JARID2: variants seen among roughly 807,000 people sequenced by gnomAD.
The protein encoded by JARID2 is jumonji and AT-rich interaction domain containing 2.
Under a neutral mutation model 125.6 loss-of-function variants are expected in JARID2, and 21 were observed. That is an observed-to-expected ratio of 0.17 (90% CI 0.12 to 0.24). JARID2 has a LOEUF of 0.24. JARID2 is among the 10% of genes least tolerant of loss of function. The pLI is 1.00. For synonymous variants in JARID2, 736 were observed against 661.6 expected, an observed-to-expected ratio of 1.11 and a Z score of -1.73; for missense variants, 1,303 against 1,639.6, an observed-to-expected ratio of 0.79 and a Z score of 3.55.
chr6:15,329,395 C>G (rs1475785461), intron 1 of JARID2, among the ~76,000 whole-genome samples: 4 of 152,096 alleles, frequency 2.6e-5, no homozygotes, highest in Non-Finnish European at 5.9e-5. Flanking sequence ...AGTTGACATC[C>G]TGCTGGGATC....
At chr6:15,454,405 C>CTTGT (rs1768059403) in intron 4 of JARID2, among the ~76,000 whole-genome samples, 1 of 152,100 alleles carries the variant, frequency 6.6e-6, no homozygotes, top group African/African-American at 2.4e-5. Context: ...GGTTGTTGAG[C>CTTGT]CTTGAAAACA....
intron 1 of JARID2, among the ~76,000 whole-genome samples, chr6:15,354,602 A>G (rs534744370): frequency 2.0e-5 from 3 of 152,296 alleles, no homozygotes; most frequent in African/African-American, 7.2e-5. Context: ...TCAAGCACAG[A>G]TAAGGAAATG....
chr6:15,496,781 G>C lies in JARID2; in HGVS notation c.1556G>C (p.Ser519Thr), dbSNP rs760817551. The change falls in exon 7 of 18, where the codon AGC becomes ACC. Residue 519 changes from serine (S) to threonine (T), a missense_variant. Ser to Thr is a moderately conservative substitution (Grantham distance 58). Coordinates refer to ENST00000341776, the MANE Select transcript of JARID2 (RefSeq NM_004973.4). ...AGACAAGCACATGGCAAGGCGGACA[G>C]CGCCTCCTGTGAAAATCGTTCTACC... ...PGRQAHGKAD[S>T]ASCENRSTSQ... 6.2e-7 allele frequency: 1 copy of C among 1,612,324 alleles called. No homozygotes were observed. Among genetic ancestry groups the C allele is most frequent in the Non-Finnish European group, 8.5e-7 (1 of 1,179,300 alleles).
chr6:15,509,512 A>AGT (rs1771172955), intron 12 of JARID2: 1 of 257,136 alleles, frequency 3.9e-6, no homozygotes, highest in Non-Finnish European at 6.1e-6. Flanking sequence ...GGTGTCCTGC[A>AGT]GTGGGTCCAG....
chr6:15,320,852 C>CTATGTGTGTGTG (rs541608020), intron 1 of JARID2, among the ~76,000 whole-genome samples: 1 of 145,314 alleles, frequency 6.9e-6, no homozygotes, highest in Non-Finnish European at 1.5e-5. Context: ...CTCTCTCTCT[C>CTATGTGTGTGTG]TGTGTGTGTG....
intron 3 of JARID2, among the ~76,000 whole-genome samples, chr6:15,411,185 G>GA (rs3839643): frequency 1.7e-4 from 25 of 150,436 alleles, no homozygotes; most frequent in African/African-American, 4.6e-4. Flanking sequence ...TGAAGGAAAA[G>GA]AAAAAAAAAA....
intron 2 of JARID2, among the ~76,000 whole-genome samples, chr6:15,382,168 C>T (rs1413569984): frequency 6.6e-6 from 1 of 152,194 alleles, no homozygotes; most frequent in Non-Finnish European, 1.5e-5. Flanking sequence ...GAGGTTGAAG[C>T]AGGAGAATTG....
intron 5 of JARID2, among the ~76,000 whole-genome samples, chr6:15,478,050 G>C (rs1005829980): frequency 2.0e-5 from 3 of 152,176 alleles, no homozygotes; most frequent in African/African-American, 7.2e-5. Flanking sequence ...TTCTTGCTTT[G>C]CTAAAGTATT....
chr6:15,406,658 G>T (rs896210447), intron 2 of JARID2, among the ~76,000 whole-genome samples: 2 of 152,176 alleles, frequency 1.3e-5, no homozygotes, highest in Non-Finnish European at 2.9e-5. Flanking sequence ...GCTCAGTCAT[G>T]CCTTATCAGA....
intron 1 of JARID2, among the ~76,000 whole-genome samples, chr6:15,283,622 G>A (rs1209945274): frequency 3.3e-5 from 5 of 151,774 alleles, no homozygotes; most frequent in Non-Finnish European, 7.4e-5. Context: ...GATTACAGGC[G>A]TGAGCCACCG....
At chr6:15,311,870 G>GA (rs1762026223) in intron 1 of JARID2, among the ~76,000 whole-genome samples, 1 of 151,696 alleles carries the variant, frequency 6.6e-6, no homozygotes, top group African/African-American at 2.4e-5. Flanking sequence ...AAACTGGGGG[G>GA]AATTTTCCAC....
At chr6:15,427,105 C>T (rs1017112091) in intron 3 of JARID2, among the ~76,000 whole-genome samples, 2 of 152,182 alleles carry the variant, frequency 1.3e-5, no homozygotes, top group East Asian at 1.9e-4. Flanking sequence ...CTTTCTTTAA[C>T]AAGTTCCTGT....
At chr6:15,427,343 C>T (rs984089644) in intron 3 of JARID2, among the ~76,000 whole-genome samples, 2 of 152,210 alleles carry the variant, frequency 1.3e-5, no homozygotes, top group Non-Finnish European at 1.5e-5. Flanking sequence ...TTGCTTCAGG[C>T]TCCTGGCAAA....
chr6:15,264,563 C>A (rs1044030991), intron 1 of JARID2, among the ~76,000 whole-genome samples: 1 of 150,234 alleles, frequency 6.7e-6, no homozygotes, highest in South Asian at 2.1e-4. Flanking sequence ...GCCAAGTAGC[C>A]AAGAATTTAC....
At chr6:15,318,550 G>T (rs1762252306) in intron 1 of JARID2, among the ~76,000 whole-genome samples, 1 of 152,218 alleles carries the variant, frequency 6.6e-6, no homozygotes, top group Non-Finnish European at 1.5e-5. Context: ...CAACTGTGCA[G>T]TTGCTGTGAG....
chr6:15,264,047 C>G (rs1233054387), intron 1 of JARID2, among the ~76,000 whole-genome samples: 1 of 152,192 alleles, frequency 6.6e-6, no homozygotes, highest in African/African-American at 2.4e-5. Flanking sequence ...CTGCGCTTCA[C>G]CATGCCTGGC....
intron 3 of JARID2, among the ~76,000 whole-genome samples, chr6:15,438,786 T>G (rs994637473): frequency 6.6e-6 from 1 of 152,148 alleles, no homozygotes; most frequent in South Asian, 2.1e-4. Context: ...CCCAGCACTT[T>G]GGGAGGCCAA....
chr6:15,265,196 T>C (rs1760034998), intron 1 of JARID2, among the ~76,000 whole-genome samples: 1 of 152,100 alleles, frequency 6.6e-6, no homozygotes, highest in African/African-American at 2.4e-5. Context: ...GACTAAGGAA[T>C]GAGACCAGTT....
At chr6:15,505,917 C>T (rs1415635112) in intron 9 of JARID2, among the ~76,000 whole-genome samples, 3 of 152,238 alleles carry the variant, frequency 2.0e-5, no homozygotes, top group Non-Finnish European at 4.4e-5. Context: ...GAGCGTTGGA[C>T]CTGGGAAGAG....
Sources: gnomAD v4.1 joint callset for allele counts (sites outside exome capture counted in the v4.1 genomes callset) on GRCh38, gnomAD v4.1.1 for gene constraint, MANE v1.5 for transcripts, NCBI Gene and HGNC (gene_info 2026-07-23, HGNC 2026-07-21) for gene names.